Variants in TRIO observed in about 807,000 individuals in gnomAD.
The protein encoded by TRIO is triple functional domain protein.
TRIO carries 58 observed loss-of-function variants against 351.9 expected under a neutral mutation model. The observed-to-expected ratio is 0.16, with a 90% confidence interval of 0.13 to 0.21. TRIO has a LOEUF of 0.21. Among genes scored for constraint, TRIO ranks in the 10% least tolerant of loss-of-function variants. TRIO has a pLI of 1.00. For synonymous variants in TRIO, 1,758 were observed against 1,595.7 expected (o/e 1.10, Z -2.42); for missense variants, 3,201 against 4,027.8 (o/e 0.79, Z 5.56).
At chr5:14,315,251 CTTT>C (rs761690853) in intron 8 of TRIO, among the ~76,000 whole-genome samples, 5 of 137,588 alleles carry the variant, frequency 3.6e-5, no homozygotes, top group Non-Finnish European at 3.2e-5. Flanking sequence ...ACTTGCTCCT[CTTT>C]TTTTTTTTTT....
At chr5:14,359,901 A>T (rs2152337290) in intron 13 of TRIO, among the ~76,000 whole-genome samples, 1 of 152,270 alleles carries the variant, frequency 6.6e-6, no homozygotes, top group Non-Finnish European at 1.5e-5. Context: ...TCCTCAGCTT[A>T]GGCACAGGCA....
chr5:14,262,661 T>C (rs973872775), intron 1 of TRIO, among the ~76,000 whole-genome samples: 1 of 152,036 alleles, frequency 6.6e-6, no homozygotes, highest in East Asian at 1.9e-4. Flanking sequence ...CATGGGACTG[T>C]GGAGTCCCTA....
intron 55 of TRIO, among the ~76,000 whole-genome samples, chr5:14,505,825 G>A (rs73752104): frequency 0.026 from 3,945 of 152,228 alleles, 158 homozygotes; most frequent in African/African-American, 0.08. Context: ...CTTCCAGCCC[G>A]TCTTTCAAGA....
At chr5:14,489,809 G>A (rs143487034) in intron 48 of TRIO, among the ~76,000 whole-genome samples, 7 of 152,274 alleles carry the variant, frequency 4.6e-5, no homozygotes, top group Admixed American at 2.6e-4. Context: ...GTGTTCCCGC[G>A]AGCTTTAGGT....
intron 29 of TRIO, chr5:14,397,434 C>A (rs1273962145): frequency 3.0e-6 from 1 of 328,664 alleles, no homozygotes; most frequent in South Asian, 4.0e-5. Context: ...CCTGTTCTCC[C>A]TGTTAGATGG....
At chr5:14,185,475 C>G (rs1385284185) in intron 1 of TRIO, among the ~76,000 whole-genome samples, 1 of 152,198 alleles carries the variant, frequency 6.6e-6, no homozygotes, top group Non-Finnish European at 1.5e-5. Flanking sequence ...TGAGCAGGCT[C>G]CCAGGCCCAG....
intron 1 of TRIO, among the ~76,000 whole-genome samples, chr5:14,242,994 G>T (rs761492784): frequency 1.3e-5 from 2 of 152,196 alleles, no homozygotes; most frequent in Non-Finnish European, 2.9e-5. Context: ...CACATGCAGT[G>T]GTTGGCGGCC....
At chr5:14,251,195 C>T (rs1377925570) in intron 1 of TRIO, among the ~76,000 whole-genome samples, 1 of 152,094 alleles carries the variant, frequency 6.6e-6, no homozygotes, top group Admixed American at 6.5e-5. Context: ...CAAGAAGTTA[C>T]AAGGTTTCCT....
intron 9 of TRIO, among the ~76,000 whole-genome samples, chr5:14,318,138 A>G (rs537991985): frequency 2.0e-5 from 3 of 151,558 alleles, no homozygotes; most frequent in East Asian, 1.9e-4. Context: ...AAAGAAAAAA[A>G]AAAAAATTAG....
intron 1 of TRIO, among the ~76,000 whole-genome samples, chr5:14,154,064 G>A (rs566163761): frequency 6.6e-6 from 1 of 152,234 alleles, no homozygotes; most frequent in East Asian, 1.9e-4. Context: ...CAGCTTTCCG[G>A]TGGAGGCATG....
intron 1 of TRIO, among the ~76,000 whole-genome samples, chr5:14,201,583 T>G (rs1027642527): frequency 6.6e-6 from 1 of 152,116 alleles, no homozygotes; most frequent in Non-Finnish European, 1.5e-5. Context: ...ACTTTCCTGG[T>G]GGGTAGGAGG....
At chr5:14,224,096 A>G (rs1561221255) in intron 1 of TRIO, among the ~76,000 whole-genome samples, 1 of 152,204 alleles carries the variant, frequency 6.6e-6, no homozygotes, top group Admixed American at 6.5e-5. Context: ...TGAGAATTTT[A>G]TGTTTAATTT....
At chr5:14,284,320 T>C (rs1201333087) in intron 3 of TRIO, among the ~76,000 whole-genome samples, 2 of 152,174 alleles carry the variant, frequency 1.3e-5, no homozygotes, top group Non-Finnish European at 2.9e-5. Context: ...TTGGGGGCCC[T>C]TCTCCAGTAG....
intron 6 of TRIO, among the ~76,000 whole-genome samples, chr5:14,293,830 C>T (rs1212605487): frequency 1.3e-5 from 2 of 152,144 alleles, no homozygotes. Flanking sequence ...TTCTATAGGA[C>T]ATTTGCTTGC....
In TRIO at chr5:14,487,536, G is replaced by T. The variant is rs779748437; in HGVS notation, c.6908G>T (p.Gly2303Val). Residue 2303 changes from glycine (G) to valine (V), a missense_variant, in exon 48 of 57, where the codon GGC (glycine) becomes GTC (valine). This residue lies in a region of TRIO where 1,089 missense variants were observed against 954.9 expected (regional missense o/e 1.14). Transcript: ENST00000344204. ...GGGGGGSGGS[G>V]GGGGSGGGGA... ...GGCGGCGGCGGCAGCGGGGGCAGCG[G>T]CGGGGGTGGGGGCAGCGGCGGCGGC... The T allele has an allele frequency of 9.4e-7, 1 of 1,058,258 alleles. No homozygotes were observed. The highest frequency in any genetic ancestry group is 1.7e-5 in the African/African-American group (1 of 58,026). The allele number at this position is 1,058,258 out of a possible 1,614,324, so 65.6% of individuals were successfully genotyped here.
At chr5:14,365,642 A>G (rs1297694797) in intron 15 of TRIO, among the ~76,000 whole-genome samples, 1 of 152,260 alleles carries the variant, frequency 6.6e-6, no homozygotes, top group Non-Finnish European at 1.5e-5. Flanking sequence ...TTAAGAAATA[A>G]CGGAATAAAT....
At chr5:14,200,384 G>A (rs116406158) in intron 1 of TRIO, among the ~76,000 whole-genome samples, 2,314 of 152,260 alleles carry the variant, frequency 0.015, 35 homozygotes, top group African/African-American at 0.049. Context: ...CTGTAATTGC[G>A]CTTGTCGCTT....
intron 1 of TRIO, among the ~76,000 whole-genome samples, chr5:14,217,245 A>G (rs762973029): frequency 6.6e-6 from 1 of 152,222 alleles, no homozygotes; most frequent in Non-Finnish European, 1.5e-5. Flanking sequence ...GAATGTGGTC[A>G]TTATACGCAG....
intron 33 of TRIO, among the ~76,000 whole-genome samples, chr5:14,412,395 T>C (rs1323430841): frequency 1.3e-5 from 2 of 152,182 alleles, no homozygotes; most frequent in African/African-American, 4.8e-5. Flanking sequence ...AGCGTCGAGG[T>C]AGTATGTAAA....
Sources: gnomAD v4.1 joint callset for allele counts (sites outside exome capture counted in the v4.1 genomes callset) on GRCh38, gnomAD v4.1.1 for gene constraint, gnomAD v4.1.1 regional missense constraint, MANE v1.5 for transcripts, NCBI Gene and HGNC (gene_info 2026-07-23, HGNC 2026-07-21) for gene names.